Variants in IL17B observed in about 807,000 individuals in gnomAD.
IL17B encodes interleukin 17B, also known as interleukin-17B.
Under a neutral mutation model 14.7 loss-of-function variants are expected in IL17B, and 14 were observed. The ratio of observed to expected loss-of-function variants is 0.95; its 90% CI spans 0.63 to 1.49. The LOEUF (loss-of-function observed/expected upper bound fraction) is 1.49. Among genes scored for constraint, IL17B ranks in the 40% most tolerant of loss-of-function variants. The probability of loss-of-function intolerance (pLI) is 0.00; values close to 1 mark genes in which losing one functional copy is unlikely to be tolerated. For synonymous variants in IL17B, 105 were observed against 94.8 expected (o/e 1.11, Z -0.62); for missense variants, 233 against 252.8 (o/e 0.92, Z 0.53).
intron 1 of IL17B, among the ~76,000 whole-genome samples, chr5:149,390,604 C>A (rs1758925116): frequency 7.3e-6 from 1 of 137,248 alleles, no homozygotes; most frequent in African/African-American, 2.8e-5. Flanking sequence ...CACACACACA[C>A]ACACACACAC....
rs769924513 is a variant in IL17B, at chr5:149,374,534, A to G, written c.378T>C (p.Cys126=). The change falls in exon 3 of 3, where the codon TGT becomes TGC. Residue 126 remains cysteine, a synonymous_variant. Coordinates refer to ENST00000261796, the MANE Select transcript of IL17B (RefSeq NM_014443.3). The surrounding 1 kb of genome is among the most constrained non-coding windows in gnomAD (Gnocchi z 5.0). ...CCTCCTGCATGGTGAAGGGGTTCAC[A>G]CAGCCCAGACACAGGCACCGTGCCT... ...LPEARCLCLG[C]VNPFTMQEDR... 1 of 1,613,324 alleles carries G rather than the reference A, an allele frequency of 6.2e-7. No homozygotes were observed. The highest frequency in any genetic ancestry group is 1.1e-5 in the South Asian group (1 of 91,086).
At chr5:149,390,641 A>ACACACACACACAC (rs1561716057) in intron 1 of IL17B, among the ~76,000 whole-genome samples, 1 of 149,756 alleles carries the variant, frequency 6.7e-6, no homozygotes, top group African/African-American at 2.4e-5. Flanking sequence ...AGAGATACAC[A>ACACACACACACAC]AGGCCCTCCA....
intron 1 of IL17B, among the ~76,000 whole-genome samples, chr5:149,396,412 T>C (rs1759092414): frequency 6.6e-6 from 1 of 152,220 alleles, no homozygotes; most frequent in African/African-American, 2.4e-5. Flanking sequence ...AGGTATTCTG[T>C]TAGATTTAGA....
chr5:149,392,934 A>G (rs1053847262), intron 1 of IL17B, among the ~76,000 whole-genome samples: 2 of 91,958 alleles, frequency 2.2e-5, no homozygotes, highest in Non-Finnish European at 2.4e-5. Context: ...ATGTGTGTGT[A>G]CGTGCGTGTG....
chr5:149,374,274 C>T lies in IL17B; in HGVS notation c.*95G>A. 3.2e-6 allele frequency: 4 copies of T among 1,269,044 alleles called. No individual in the cohort carries two copies. The highest frequency in any genetic ancestry group is 4.3e-6 in the Non-Finnish European group (4 of 940,036). The allele number at this position is 1,269,044 out of a possible 1,614,324, so 78.6% of individuals were successfully genotyped here. Reference sequence around the variant, plus strand: ...AAAAGCAAACCCAAAGTCTTGCTTTCAAAAGTCAGTGTTTACTTTTCATAG... The same window carrying T: ...AAAAGCAAACCCAAAGTCTTGCTTTTAAAAGTCAGTGTTTACTTTTCATAG... On this transcript the variant is annotated 3_prime_UTR_variant, in exon 3 of 3. Coordinates refer to ENST00000261796, the MANE Select transcript of IL17B (RefSeq NM_014443.3). This position sits in a 1 kb window ranked among gnomAD's most constrained non-coding sequence, Gnocchi z 5.0.
Position 149,374,512 on chromosome 5 carries a change from C to T in IL17B, c.400G>A (p.Glu134Lys). The change falls in exon 3 of 3, where the codon GAG (glutamate) becomes AAG (lysine). Residue 134 changes from glutamate to lysine, a missense_variant. Transcript: ENST00000261796. The surrounding 1 kb of genome is among the most constrained non-coding windows in gnomAD (Gnocchi z 5.0). ...LGCVNPFTMQ[E>K]DRSMVSVPVF... is the part of the protein sequence containing the mutation. The stretch of plus-strand genomic sequence containing the variant: ...GGCACGCTCACCATGCTGCGGTCCT[C>T]CTGCATGGTGAAGGGGTTCACACAG... The T allele has an allele frequency of 1.2e-6, 2 of 1,613,292 alleles. No homozygotes were observed. Among genetic ancestry groups the T allele is most frequent in the Non-Finnish European group, 1.7e-6 (2 of 1,180,016 alleles).
rs185453631 is a variant in IL17B, at chr5:149,393,526, C to T, written n.95+10582G>A. The stretch of plus-strand genomic sequence containing the variant: ...AAATAAATGAATAAATACATGAGTG[C>T]GTTAATTCCTGCATCTTCCGAAACC... On this transcript the variant is annotated intron_variant and non_coding_transcript_variant, in intron 1 of 2. Coordinates refer to the IL17B transcript ENST00000505432. 4.6e-5 allele frequency among the ~76,000 whole-genome samples: 7 copies of T among 152,314 alleles called. No individual in the cohort carries two copies. The East Asian group carries it at 1.3e-3, about 29-fold the overall frequency.
intron 1 of IL17B, among the ~76,000 whole-genome samples, chr5:149,377,773 G>T (rs950245348): frequency 6.6e-6 from 1 of 152,042 alleles, no homozygotes; most frequent in Non-Finnish European, 1.5e-5. Context: ...GCAGGCATGG[G>T]CTGAGGGAGT....
intron 1 of IL17B, among the ~76,000 whole-genome samples, chr5:149,395,011 C>T (rs955522566): frequency 3.3e-5 from 5 of 152,056 alleles, no homozygotes; most frequent in African/African-American, 1.2e-4. Context: ...ATTTTTTTAT[C>T]CTCTTGCTCC....
chr5:149,376,998 G>A lies in IL17B; in HGVS notation c.49C>T (p.Leu17=). The A allele has an allele frequency of 6.4e-7, 1 of 1,568,034 alleles. No individual in the cohort carries two copies. The highest frequency in any genetic ancestry group is 8.6e-7 in the Non-Finnish European group (1 of 1,162,282). The change falls in exon 2 of 3, where the codon CTG becomes TTG. Residue 17 remains leucine, a synonymous_variant. Coordinates refer to ENST00000261796, the MANE Select transcript of IL17B (RefSeq NM_014443.3). ...LLFLLTISIF[L]GLGQPRSPKS... ...GGGCTCCTGGGCTGGCCCAGCCCCA[G>A]GAAGATGGAAATGGTAAGAAGAAAC... is the stretch of plus-strand genomic sequence containing the variant.
rs537248111 is a variant in IL17B at position 149,378,313 on chromosome 5, C to CA, written c.21+891dup. 7.2e-5 allele frequency among the ~76,000 whole-genome samples: 11 copies of CA among 152,234 alleles called. No homozygotes were observed. In the South Asian group the frequency reaches 2.1e-3, roughly 29 times the overall value. On this transcript the variant is annotated intron_variant, in intron 1 of 2. Transcript: ENST00000261796. ...AGCCTTCCCTCTTCCAGCCATCCCC[C>CA]AAGCCCTCCTCACACACACACACCC... is the stretch of plus-strand genomic sequence containing the variant.
intron 2 of IL17B, 38 bp downstream of exon 2, chr5:149,376,698 A>G: frequency 6.4e-7 from 1 of 1,561,586 alleles, no homozygotes; most frequent in South Asian, 1.2e-5. Flanking sequence ...AAAGGTCCCC[A>G]CCCCCCAAAG....
chr5:149,378,464 G>T (rs2227447), intron 1 of IL17B, among the ~76,000 whole-genome samples: 54,630 of 152,064 alleles, frequency 0.36, 10,469 homozygotes, highest in African/African-American at 0.49. Flanking sequence ...AAGGGACAGT[G>T]CCTGCGTGTG....
Position 149,398,809 on chromosome 5 carries a change from G to A in IL17B, n.95+5299C>T, listed in dbSNP as rs542322769. 2.6e-5 allele frequency among the ~76,000 whole-genome samples: 4 copies of A among 152,332 alleles called. No individual in the cohort carries two copies. The South Asian group carries it at 8.3e-4, about 32-fold the overall frequency. On this transcript the variant is annotated intron_variant and non_coding_transcript_variant, in intron 1 of 2. Coordinates refer to the IL17B transcript ENST00000505432. The stretch of plus-strand genomic sequence containing the variant: ...TAATCCCAGCTACTCAGGAGGCTGA[G>A]GCAGGAGAATCTCTTGAACCAGGGA...
At chr5:149,381,182 C>G (rs151192946), upstream of IL17B, among the ~76,000 whole-genome samples, 256 of 152,362 alleles carry the variant, frequency 1.7e-3, 3 homozygotes, top group African/African-American at 5.9e-3. Flanking sequence ...CCAACACATT[C>G]TCCTTACCTG....
At chr5:149,390,038 C>T (rs1758905842) in intron 1 of IL17B, among the ~76,000 whole-genome samples, 1 of 152,134 alleles carries the variant, frequency 6.6e-6, no homozygotes, top group Non-Finnish European at 1.5e-5. Context: ...TTTCCCTAGT[C>T]CCACTAACCG....
intron 1 of IL17B, 150 bp downstream of exon 1, chr5:149,379,055 G>T: frequency 1.0e-6 from 1 of 958,622 alleles, no homozygotes; most frequent in Non-Finnish European, 1.6e-6. Context: ...ACCAGTCTCT[G>T]TTTCTTTCTA....
At chr5:149,388,548 G>A (rs1014113412) in intron 1 of IL17B, among the ~76,000 whole-genome samples, 2 of 152,120 alleles carry the variant, frequency 1.3e-5, no homozygotes, top group African/African-American at 2.4e-5. Flanking sequence ...TCTGCTGACT[G>A]CAAACTGACT....
chr5:149,379,184 C>T (rs376976411), intron 1 of IL17B, 21 bp downstream of exon 1: 42 of 1,613,616 alleles, frequency 2.6e-5, no homozygotes, highest in Middle Eastern at 1.6e-4. Context: ...GGTGGGGGTG[C>T]GGCAGGGAAG....
Sources: allele counts gnomAD v4.1 joint callset (sites outside exome capture counted in the v4.1 genomes callset), GRCh38; gene constraint gnomAD v4.1.1; non-coding constraint Gnocchi (gnomAD v3.1); transcripts MANE v1.5; gene names NCBI Gene and HGNC (gene_info 2026-07-23, HGNC 2026-07-21).